The following ZMYM2 variants were observed in gnomAD, a reference collection of about 807,000 sequenced individuals.
ZMYM2 encodes zinc finger MYM-type containing 2, also known as zinc finger MYM-type protein 2.
A neutral mutation model predicts 162.8 loss-of-function variants in ZMYM2; 56 were observed. The ratio of observed to expected loss-of-function variants is 0.34; its 90% CI spans 0.28 to 0.43. The LOEUF (loss-of-function observed/expected upper bound fraction) is 0.43. Among genes scored for constraint, ZMYM2 ranks in the 20% least tolerant of loss-of-function variants. ZMYM2 has a pLI of 1.00. For synonymous variants in ZMYM2, 510 were observed against 541.6 expected, an observed-to-expected ratio of 0.94 and a Z score of 0.81; for missense variants, 1,275 against 1,621.8, an observed-to-expected ratio of 0.79 and a Z score of 3.67.
intron 2 of ZMYM2, chr13:19,965,105 A>G (rs911102471): frequency 3.2e-5 from 14 of 439,996 alleles, no homozygotes; most frequent in Non-Finnish European, 4.9e-5. Flanking sequence ...AAAAAGAAAA[A>G]TACTTACATA....
intron 21 of ZMYM2, among the ~76,000 whole-genome samples, chr13:20,077,518 CTAAT>C (rs942752895): frequency 8.7e-5 from 13 of 149,858 alleles, no homozygotes; most frequent in Admixed American, 1.3e-4. Flanking sequence ...AGAATTGGGA[CTAAT>C]TAATTCTACC....
At chr13:20,066,537 A>G (rs1314809679) in intron 19 of ZMYM2, 3 of 213,598 alleles carry the variant, frequency 1.4e-5, no homozygotes, top group Admixed American at 5.8e-5. Context: ...AGAGAATCAT[A>G]TGGGAGAGAA....
At chr13:20,000,215 T>A (rs1284014417) in intron 3 of ZMYM2, among the ~76,000 whole-genome samples, 1 of 152,202 alleles carries the variant, frequency 6.6e-6, no homozygotes, top group Admixed American at 6.5e-5. Flanking sequence ...TAACTCTTTT[T>A]CAGTTTTATG....
chr13:20,046,655 ATG>A (rs200419460), intron 12 of ZMYM2, among the ~76,000 whole-genome samples: 11,136 of 147,866 alleles, frequency 0.075, 1,303 homozygotes, highest in African/African-American at 0.25. Flanking sequence ...ACATATGTAT[ATG>A]TGTGTATATA....
chr13:20,084,634 T>C (rs1958132133), intron 24 of ZMYM2, among the ~76,000 whole-genome samples: 1 of 152,184 alleles, frequency 6.6e-6, no homozygotes. Context: ...CAAGCAGGTA[T>C]GAAAAATGGA....
Position 19,993,382 on chromosome 13 carries a change from A to G in ZMYM2, c.310A>G (p.Lys104Glu). ...GNDSKITPSS[K>E]ELASQKGSVS... ...TGATTCCAAAATTACTCCTTCCTCAAAAGAGTTGGCATCTCAGAAGGGAAG... is the reference window on the plus strand; with the variant it reads ...TGATTCCAAAATTACTCCTTCCTCAGAAGAGTTGGCATCTCAGAAGGGAAG... Residue 104 changes from lysine (K) to glutamate (E), a missense_variant, in exon 3 of 25, where the codon AAA becomes GAA. This residue lies in a region of ZMYM2 where 295 missense variants were observed against 286.7 expected (regional missense o/e 1.03). Transcript: ENST00000610343. 3 of 1,613,772 alleles carry G rather than the reference A, an allele frequency of 1.9e-6. No homozygotes were observed. Among genetic ancestry groups the G allele is most frequent in the Admixed American group, 1.7e-5 (1 of 59,958 alleles).
In ZMYM2 at chr13:20,032,824, G is replaced by T. The variant is rs972675414; in HGVS notation, c.1968+1389G>T. Among the ~76,000 whole-genome samples, 15 of 151,990 alleles carry T rather than the reference G, an allele frequency of 9.9e-5. No individual in the cohort carries two copies. In the East Asian group the frequency reaches 2.9e-3, roughly 30 times the overall value. ...GGGTTTCACCATGTTGGCCAGGCTG[G>T]TCTTGATCTCCTGGCCTCAGGCAAT... On this transcript the variant is annotated intron_variant, in intron 10 of 24. Transcript: ENST00000610343.
the ZMYM2 span, among the ~76,000 whole-genome samples, chr13:19,891,275 C>T: frequency 6.6e-6 from 1 of 151,828 alleles, no homozygotes; most frequent in East Asian, 1.9e-4. Context: ...CGCGTGAGGA[C>T]ACAGTGAGAG....
chr13:19,947,188 G>C, the ZMYM2 span, among the ~76,000 whole-genome samples: 1 of 152,044 alleles, frequency 6.6e-6, no homozygotes, highest in Non-Finnish European at 1.5e-5. Flanking sequence ...AGCCTCCTGA[G>C]TAGCTGGGAC....
upstream of ZMYM2, among the ~76,000 whole-genome samples, chr13:19,954,230 G>A (rs901501916): frequency 1.4e-5 from 2 of 141,312 alleles, no homozygotes; most frequent in East Asian, 2.2e-4. Context: ...CCGGGTTCAC[G>A]TCATCCTCCT....
intron 12 of ZMYM2, among the ~76,000 whole-genome samples, chr13:20,044,394 G>A (rs1954566229): frequency 6.6e-6 from 1 of 152,158 alleles, no homozygotes; most frequent in Admixed American, 6.5e-5. Context: ...CCCAGTGTGT[G>A]GTAGCCCCAT....
At chr13:20,000,915 G>A (rs927302252) in intron 3 of ZMYM2, among the ~76,000 whole-genome samples, 2 of 152,188 alleles carry the variant, frequency 1.3e-5, no homozygotes, top group Admixed American at 6.6e-5. Flanking sequence ...GAAAGGATTC[G>A]CCATTCTCAG....
At chr13:19,884,701 G>A in the ZMYM2 span, among the ~76,000 whole-genome samples, 22 of 152,080 alleles carry the variant, frequency 1.4e-4, no homozygotes, top group African/African-American at 4.1e-4. Context: ...CGTTCCTTGC[G>A]GCGGATTCCT....
chr13:19,968,380 C>A (rs1361620845), intron 2 of ZMYM2, among the ~76,000 whole-genome samples: 1 of 152,102 alleles, frequency 6.6e-6, no homozygotes, highest in Non-Finnish European at 1.5e-5. Context: ...GTAGCTGGGA[C>A]TACAGGTGCA....
chr13:19,952,326 T>C, the ZMYM2 span, among the ~76,000 whole-genome samples: 1 of 152,086 alleles, frequency 6.6e-6, no homozygotes, highest in African/African-American at 2.4e-5. Flanking sequence ...GTACACCATA[T>C]TGTGCAACAT....
At chr13:20,001,994 A>T (rs4769933) in intron 3 of ZMYM2, among the ~76,000 whole-genome samples, 105,433 of 152,176 alleles carry the variant, frequency 0.69, 41,710 homozygotes, top group Non-Finnish European at 0.86. Flanking sequence ...TATTAGCTTT[A>T]TTGCAGTGAT....
At chr13:19,937,821 A>T in the ZMYM2 span, among the ~76,000 whole-genome samples, 1 of 117,400 alleles carries the variant, frequency 8.5e-6, no homozygotes, top group Non-Finnish European at 1.6e-5. Context: ...CTGGTGTGTG[A>T]TGTTCCCCTT....
chr13:20,017,073 G>A (rs1951691960), intron 6 of ZMYM2, among the ~76,000 whole-genome samples: 1 of 152,084 alleles, frequency 6.6e-6, no homozygotes, highest in Admixed American at 6.6e-5. Flanking sequence ...CCTCTTTACT[G>A]CAAATTGTTG....
chr13:20,005,350 A>G (rs1950660716), intron 5 of ZMYM2, 111 bp downstream of exon 5: 1 of 754,460 alleles, frequency 1.3e-6, no homozygotes, highest in Non-Finnish European at 2.1e-6. Flanking sequence ...GAATATATAT[A>G]AAGACTATCT....
Sources: allele counts gnomAD v4.1 joint callset (sites outside exome capture counted in the v4.1 genomes callset), GRCh38; gene constraint gnomAD v4.1.1; regional missense constraint gnomAD v4.1.1; transcripts MANE v1.5; gene names NCBI Gene and HGNC (gene_info 2026-07-23, HGNC 2026-07-21).